The following NIPBL variants were observed in gnomAD, a reference collection of about 807,000 sequenced individuals.
NIPBL encodes NIPBL cohesin loading factor, also known as nipped-B-like protein.
In NIPBL, 19 loss-of-function variants were observed where a neutral mutation model predicts 321.8. That is an observed-to-expected ratio of 0.06 (90% confidence interval 0.04 to 0.09). The LOEUF is 0.09. Ranked by LOEUF, NIPBL falls within the 10% of genes least tolerant of loss-of-function variation. The probability of loss-of-function intolerance (pLI) is 1.00; values close to 1 mark genes in which losing one functional copy is unlikely to be tolerated. For missense variants in NIPBL, 2,210 were observed against 3,327.0 expected (o/e 0.66, Z 8.26); for synonymous variants, 1,106 against 1,114.1 (o/e 0.99, Z 0.14).
At chr5:36,959,536 T>C (rs1741360496) in intron 4 of NIPBL, among the ~76,000 whole-genome samples, 1 of 152,152 alleles carries the variant, frequency 6.6e-6, no homozygotes, top group Non-Finnish European at 1.5e-5. Context: ...TGAAGGAAGC[T>C]AGAGTTATGA....
At position 37,064,931 on chromosome 5, in the gene NIPBL, T is replaced by C. The variant is rs1191577518; in HGVS notation, c.*39T>C. 1 of 1,613,146 alleles carries C rather than the reference T, an allele frequency of 6.2e-7. No individual in the cohort carries two copies. Among genetic ancestry groups the C allele is most frequent in the Non-Finnish European group, 8.5e-7 (1 of 1,179,714 alleles). ...GCAGCCAAATTTACAGGAATTTTTT[T>C]AAAAGGCAGAAAAACTTGAAATACC... On this transcript the variant is annotated 3_prime_UTR_variant, in exon 47 of 47. Coordinates refer to ENST00000282516, the MANE Select transcript of NIPBL (RefSeq NM_133433.4).
rs779093227 is a variant in NIPBL, at chr5:36,970,962, AATC to A, written c.703_705del (p.His235del). Reference sequence around the variant, plus strand: ...TGGTCCGTTGTCTGGCAATTCAGCTAATCATCATGCTGATAATCCTAGACATGG... The same window carrying A: ...TGGTCCGTTGTCTGGCAATTCAGCTAATCATGCTGATAATCCTAGACATGG... On this transcript the variant is annotated inframe_deletion, in exon 7 of 47. Coordinates refer to ENST00000282516, the MANE Select transcript of NIPBL (RefSeq NM_133433.4). The A allele has an allele frequency of 1.2e-6, 2 of 1,613,296 alleles. No homozygotes were observed. The highest frequency in any genetic ancestry group is 2.7e-5 in the African/African-American group (2 of 74,906).
intron 1 of NIPBL, among the ~76,000 whole-genome samples, chr5:36,881,288 T>C (rs1745482806): frequency 6.8e-6 from 1 of 148,080 alleles, no homozygotes; most frequent in South Asian, 2.3e-4. Flanking sequence ...GTATTTGTCT[T>C]GTGTGTAATT....
intron 10 of NIPBL, among the ~76,000 whole-genome samples, chr5:36,992,224 A>G (rs1046981068): frequency 2.0e-5 from 3 of 152,214 alleles, no homozygotes; most frequent in African/African-American, 7.2e-5. Flanking sequence ...AGACATGCTG[A>G]TTTAAAGAAT....
intron 1 of NIPBL, among the ~76,000 whole-genome samples, chr5:36,916,755 G>GT (rs1296669040): frequency 5.3e-5 from 8 of 152,016 alleles, no homozygotes; most frequent in Non-Finnish European, 1.0e-4. Flanking sequence ...GCAGTGTTTG[G>GT]TTTTTTGTCG....
intron 1 of NIPBL, among the ~76,000 whole-genome samples, chr5:36,894,146 C>G (rs1341971829): frequency 2.0e-5 from 3 of 152,078 alleles, no homozygotes; most frequent in Non-Finnish European, 4.4e-5. Flanking sequence ...ATATATCCTT[C>G]TCAAATATAT....
At chr5:36,995,252 A>G (rs993451530) in intron 10 of NIPBL, 16 of 189,266 alleles carry the variant, frequency 8.5e-5, no homozygotes, top group African/African-American at 1.2e-4. Flanking sequence ...TTTATGTACT[A>G]CCAAGAATGT....
chr5:36,917,650 GTT>G (rs1317851992), intron 1 of NIPBL, among the ~76,000 whole-genome samples: 1 of 152,110 alleles, frequency 6.6e-6, no homozygotes, highest in African/African-American at 2.4e-5. Context: ...GGTTTTTATG[GTT>G]TTAGGTCTAA....
rs78379880 is a variant in NIPBL, at chr5:37,001,623, C to A, written c.3664+545C>A. Among the ~76,000 whole-genome samples the A allele has an allele frequency of 1.5e-3, 234 of 152,086 alleles. 3 individuals are homozygous for A. The highest frequency in any genetic ancestry group is 5.5e-3 in the African/African-American group (228 of 41,502). ...ATATTTATTGAATACTTACTGTATG[C>A]CAGTAGTATGTTAAGTGCTGGAGAT... is the stretch of plus-strand genomic sequence containing the variant. On this transcript the variant is annotated intron_variant, in intron 14 of 46. Transcript: ENST00000282516.
intron 24 of NIPBL, 140 bp downstream of exon 24, chr5:37,017,302 G>A: frequency 1.3e-6 from 1 of 785,270 alleles, no homozygotes; most frequent in Non-Finnish European, 2.0e-6. Context: ...CAAAGCCCCA[G>A]TGAGAAATTT....
rs557243005 is a variant in NIPBL at position 36,980,383 on chromosome 5, T to C, written c.1495+3981T>C. On this transcript the variant is annotated intron_variant, in intron 9 of 46. Transcript: ENST00000282516. ...GATTTCATATTATTGTTGTCATTTC[T>C]AACTTGTTTCCTGAAAGCCACTTTC... Among the ~76,000 whole-genome samples, 10 of 151,884 alleles carry C rather than the reference T, an allele frequency of 6.6e-5. No individual in the cohort carries two copies. The South Asian group carries it at 2.1e-3, about 31-fold the overall frequency.
At position 37,044,391 on chromosome 5, in the gene NIPBL, A is replaced by G. The variant is rs1483014068; in HGVS notation, c.6153A>G (p.Leu2051=). 9.3e-6 allele frequency: 15 copies of G among 1,611,916 alleles called. No individual in the cohort carries two copies. The highest frequency in any genetic ancestry group is 1.3e-5 in the Non-Finnish European group (15 of 1,178,120). The part of the protein sequence containing the change: ...FMVICNVAKI[L]ELVVPLMEHP... ...TTATCTGCAATGTTGCAAAAATCCT[A>G]GAGCTAGTTGTACCACTGATGGAGC... Residue 2051 remains leucine, a synonymous_variant, in exon 35 of 47, where the codon CTA becomes CTG. Transcript: ENST00000282516.
At chr5:36,908,795 T>TA (rs1747835676) in intron 1 of NIPBL, among the ~76,000 whole-genome samples, 1 of 152,208 alleles carries the variant, frequency 6.6e-6, no homozygotes, top group Non-Finnish European at 1.5e-5. Context: ...TTAAAAAGTT[T>TA]AAGCAGAGAC....
At chr5:36,969,017 T>C (rs898138759) in intron 6 of NIPBL, among the ~76,000 whole-genome samples, 2 of 152,360 alleles carry the variant, frequency 1.3e-5, no homozygotes, top group African/African-American at 4.8e-5. Context: ...TGCATTTTTA[T>C]ATACAGAAAT....
At chr5:36,924,548 C>G (rs925890915) in intron 1 of NIPBL, among the ~76,000 whole-genome samples, 48 of 152,178 alleles carry the variant, frequency 3.2e-4, no homozygotes, top group Middle Eastern at 6.8e-3. Context: ...GTCAGGAACA[C>G]TGTATTGTCT....
chr5:37,045,401 C>T (rs1460977209), intron 36 of NIPBL, 42 bp from the exon 37 acceptor site: 1 of 1,429,840 alleles, frequency 7.0e-7, no homozygotes. Flanking sequence ...CTTAGTAATT[C>T]AAAGATAAAT....
chr5:36,901,031 TATAG>T (rs2149534033), intron 1 of NIPBL, among the ~76,000 whole-genome samples: 1 of 152,210 alleles, frequency 6.6e-6, no homozygotes, highest in East Asian at 1.9e-4. Context: ...GGGTTTGTTG[TATAG>T]ATTATTTTGT....
At chr5:36,888,616 A>G (rs1257074912) in intron 1 of NIPBL, among the ~76,000 whole-genome samples, 1 of 152,134 alleles carries the variant, frequency 6.6e-6, no homozygotes, top group Non-Finnish European at 1.5e-5. Flanking sequence ...TTCAGGTGCT[A>G]AGCATGCACA....
chr5:36,939,005 C>T (rs1561053119), intron 1 of NIPBL, among the ~76,000 whole-genome samples: 1 of 151,990 alleles, frequency 6.6e-6, no homozygotes, highest in African/African-American at 2.4e-5. Flanking sequence ...CACCTGCGCT[C>T]TTGTTGTTTG....
Sources: gnomAD v4.1 joint callset for allele counts (sites outside exome capture counted in the v4.1 genomes callset) on GRCh38, gnomAD v4.1.1 for gene constraint, MANE v1.5 for transcripts, NCBI Gene and HGNC (gene_info 2026-07-23, HGNC 2026-07-21) for gene names.